TMEFF1: variants seen among roughly 807,000 people sequenced by gnomAD.
TMEFF1 encodes transmembrane protein with EGF like and two follistatin like domains 1.
Under a neutral mutation model 47.5 loss-of-function variants are expected in TMEFF1, and 20 were observed. The ratio of observed to expected loss-of-function variants is 0.42; its 90% CI spans 0.30 to 0.61. TMEFF1 has a LOEUF of 0.61. TMEFF1 is among the 20% of genes least tolerant of loss of function. TMEFF1 has a pLI of 0.19. For synonymous variants in TMEFF1, 162 were observed against 166.3 expected (o/e 0.97, Z 0.20); for missense variants, 411 against 471.1 (o/e 0.87, Z 1.18).
chr9:100,545,484 G>C (rs929801633), intron 5 of TMEFF1, among the ~76,000 whole-genome samples: 1 of 152,180 alleles, frequency 6.6e-6, no homozygotes, highest in South Asian at 2.1e-4. Flanking sequence ...CACAGAGCAC[G>C]GGGATCCTGG....
chr9:100,492,881 TA>T (rs1280177650), intron 1 of TMEFF1, among the ~76,000 whole-genome samples: 1 of 152,142 alleles, frequency 6.6e-6, no homozygotes, highest in African/African-American at 2.4e-5. Flanking sequence ...GTGGGGGATT[TA>T]ACATAAACTT....
At chr9:100,482,199 C>CTT (rs201453800) in intron 1 of TMEFF1, among the ~76,000 whole-genome samples, 1 of 148,770 alleles carries the variant, frequency 6.7e-6, no homozygotes, top group African/African-American at 2.5e-5. Flanking sequence ...TTCTTTCTTT[C>CTT]TTTTCTTTTT....
At chr9:100,495,236 C>A (rs757047230) in intron 1 of TMEFF1, among the ~76,000 whole-genome samples, 1 of 152,132 alleles carries the variant, frequency 6.6e-6, no homozygotes, top group African/African-American at 2.4e-5. Flanking sequence ...TAAAAACGTT[C>A]TCTTTTCTTT....
At chr9:100,530,377 G>C (rs2118445726) in intron 5 of TMEFF1, among the ~76,000 whole-genome samples, 1 of 151,996 alleles carries the variant, frequency 6.6e-6, no homozygotes, top group South Asian at 2.1e-4. Flanking sequence ...GAATCAAATA[G>C]ACGCAATAAA....
At chr9:100,485,633 C>T (rs1438770550) in intron 1 of TMEFF1, among the ~76,000 whole-genome samples, 1 of 152,086 alleles carries the variant, frequency 6.6e-6, no homozygotes, top group Non-Finnish European at 1.5e-5. Context: ...TTCTTTTAAG[C>T]TGGATTGGGA....
intron 7 of TMEFF1, among the ~76,000 whole-genome samples, chr9:100,553,096 C>T (rs1838855426): frequency 6.6e-6 from 1 of 151,864 alleles, no homozygotes; most frequent in African/African-American, 2.4e-5. Context: ...AAAGGATGGC[C>T]AATAGCTTAA....
chr9:100,532,545 C>G (rs1040090740), intron 5 of TMEFF1, among the ~76,000 whole-genome samples: 1 of 152,106 alleles, frequency 6.6e-6, no homozygotes, highest in Non-Finnish European at 1.5e-5. Flanking sequence ...GAGATACCAT[C>G]TCACACTAGT....
At chr9:100,479,145 G>A (rs1421523966) in intron 1 of TMEFF1, among the ~76,000 whole-genome samples, 1 of 152,180 alleles carries the variant, frequency 6.6e-6, no homozygotes, top group Admixed American at 6.5e-5. Flanking sequence ...CTAGATCCCT[G>A]TTGTGTAAAA....
At chr9:100,555,162 GACACAC>G (rs112017161) in intron 7 of TMEFF1, among the ~76,000 whole-genome samples, 208 of 144,476 alleles carry the variant, frequency 1.4e-3, no homozygotes, top group African/African-American at 4.0e-3. Context: ...TGTACACACA[GACACAC>G]ACACACACAC....
chr9:100,485,747 G>A (rs571005565), intron 1 of TMEFF1, among the ~76,000 whole-genome samples: 22 of 151,936 alleles, frequency 1.4e-4, no homozygotes, highest in Non-Finnish European at 2.5e-4. Context: ...TTAGCTTCTT[G>A]AGCATTTAGG....
At chr9:100,553,537 G>C (rs968332695) in intron 7 of TMEFF1, among the ~76,000 whole-genome samples, 1 of 152,118 alleles carries the variant, frequency 6.6e-6, no homozygotes, top group Non-Finnish European at 1.5e-5. Flanking sequence ...TTGTGAAATG[G>C]AGCATTTGTA....
chr9:100,562,866 G>A (rs1839046438), intron 8 of TMEFF1, among the ~76,000 whole-genome samples: 1 of 152,122 alleles, frequency 6.6e-6, no homozygotes, highest in South Asian at 2.1e-4. Flanking sequence ...TCACCAGGCT[G>A]GAGTGCAGTG....
At chr9:100,520,138 A>G (rs992745754) in intron 5 of TMEFF1, among the ~76,000 whole-genome samples, 5 of 152,150 alleles carry the variant, frequency 3.3e-5, no homozygotes, top group Non-Finnish European at 5.9e-5. Context: ...TTTTAGGTGT[A>G]AGTATTCATT....
At chr9:100,504,684 A>G (rs1458189208) in intron 2 of TMEFF1, among the ~76,000 whole-genome samples, 1 of 152,240 alleles carries the variant, frequency 6.6e-6, no homozygotes, top group East Asian at 1.9e-4. Flanking sequence ...GAACATGGTG[A>G]TGGTGCTAGC....
intron 2 of TMEFF1, among the ~76,000 whole-genome samples, chr9:100,505,385 C>T (rs1344215072): frequency 4.0e-5 from 5 of 126,516 alleles, no homozygotes; most frequent in African/African-American, 1.2e-4. Flanking sequence ...GCACTCCAAC[C>T]TGGCGACAGA....
chr9:100,473,370 C>T lies in TMEFF1; in HGVS notation c.-175C>T, dbSNP rs1009484511. The T allele has an allele frequency of 1.8e-5, 7 of 378,544 alleles. No homozygotes were observed. In the East Asian group the frequency reaches 2.9e-4, roughly 15 times the overall value. The allele number at this position is 378,544 out of a possible 1,614,324, so 23.4% of individuals were successfully genotyped here. A position where few individuals can be genotyped will look rare whatever the true frequency, so the allele number is the denominator to read the frequency against. On this transcript the variant is annotated 5_prime_UTR_variant, in exon 1 of 10. Transcript: ENST00000374879. This position sits in a 1 kb window ranked among gnomAD's most constrained non-coding sequence, Gnocchi z 5.4. ...GACCCGCCGACTCCGTCCCGAGCGCCGCGGGCCCGGGCCTGGCGGACGCTG... is the reference window on the plus strand; with the variant it reads ...GACCCGCCGACTCCGTCCCGAGCGCTGCGGGCCCGGGCCTGGCGGACGCTG...
At chr9:100,564,988 G>C (rs191006899) in intron 8 of TMEFF1, among the ~76,000 whole-genome samples, 1 of 152,072 alleles carries the variant, frequency 6.6e-6, no homozygotes, top group Admixed American at 6.6e-5. Context: ...CTGGCTTTCT[G>C]GCTAACACAG....
rs763918541 is a variant in TMEFF1 at position 100,498,788 on chromosome 9, G to C, written c.220G>C (p.Val74Leu). 23 of 1,613,390 alleles carry C rather than the reference G, an allele frequency of 1.4e-5. No individual in the cohort carries two copies. Among genetic ancestry groups the C allele is most frequent in the Admixed American group, 1.0e-4 (6 of 59,790 alleles). The stretch of plus-strand genomic sequence containing the variant: ...AGAATTAAATGTGAGGGAGTCTGAC[G>C]TAAGAGTTTGTGATGAGTCATCATG... ...CSELNVRESD[V>L]RVCDESSCKY... is the part of the protein sequence containing the mutation. The change falls in exon 2 of 10, where the codon GTA becomes CTA. Residue 74 changes from valine (V) to leucine (L), a missense_variant. Coordinates refer to ENST00000374879, the MANE Select transcript of TMEFF1 (RefSeq NM_003692.5).
At chr9:100,542,474 G>T (rs1034184281) in intron 5 of TMEFF1, among the ~76,000 whole-genome samples, 1 of 152,042 alleles carries the variant, frequency 6.6e-6, no homozygotes, top group South Asian at 2.1e-4. Flanking sequence ...GACAAATTTT[G>T]TAACTTTTTA....
Sources: gnomAD v4.1 joint callset for allele counts (sites outside exome capture counted in the v4.1 genomes callset) on GRCh38, gnomAD v4.1.1 for gene constraint, Gnocchi (gnomAD v3.1) non-coding constraint, MANE v1.5 for transcripts, NCBI Gene and HGNC (gene_info 2026-07-23, HGNC 2026-07-21) for gene names.